The following RBMS3 variants were observed in gnomAD, a reference collection of about 807,000 sequenced individuals.
The protein encoded by RBMS3 is RNA binding motif single stranded interacting protein 3, also known as RNA-binding motif, single-stranded-interacting protein 3.
RBMS3 carries 27 observed loss-of-function variants against 66.8 expected under a neutral mutation model. The ratio of observed to expected loss-of-function variants is 0.40; its 90% CI spans 0.30 to 0.56. The LOEUF is 0.56. Ranked by LOEUF, RBMS3 falls within the 20% of genes least tolerant of loss-of-function variation. The pLI, the probability that RBMS3 is intolerant of heterozygous loss-of-function variation, is 0.40. For synonymous variants in RBMS3, 188 were observed against 183.0 expected (o/e 1.03, Z -0.22); for missense variants, 513 against 549.5 (o/e 0.93, Z 0.66).
In RBMS3 at chr3:29,884,101, T is replaced by A. The variant is rs2059800772; in HGVS notation, c.745-61T>A. The A allele has an allele frequency of 5.2e-5, 74 of 1,411,654 alleles. No homozygotes were observed. The South Asian group carries it at 8.8e-4, about 17-fold the overall frequency. 87.4% of individuals were successfully genotyped at this position (1,411,654 alleles called of 1,614,324 possible). A position where few individuals can be genotyped will look rare whatever the true frequency, so the allele number is the denominator to read the frequency against. On this transcript the variant is annotated intron_variant, in intron 7 of 14. Transcript: ENST00000383767. ...TAAGAGTCTTTGTGTGTACTAAATGTTTTGGGCACCACAATAAAAACGTTA... is the reference window on the plus strand; with the variant it reads ...TAAGAGTCTTTGTGTGTACTAAATGATTTGGGCACCACAATAAAAACGTTA...
chr3:29,619,789 C>T (rs2048804748), intron 4 of RBMS3, among the ~76,000 whole-genome samples: 1 of 152,062 alleles, frequency 6.6e-6, no homozygotes, highest in African/African-American at 2.4e-5. Context: ...TTTATACCTC[C>T]TGTTAAAACC....
intron 4 of RBMS3, among the ~76,000 whole-genome samples, chr3:29,720,977 T>C (rs1244666499): frequency 1.3e-5 from 2 of 152,146 alleles, no homozygotes; most frequent in Non-Finnish European, 2.9e-5. Context: ...GAAGGTTTTA[T>C]AGAAAAAGTA....
intron 3 of RBMS3, among the ~76,000 whole-genome samples, chr3:29,532,411 G>A (rs1382735604): frequency 2.0e-5 from 3 of 151,808 alleles, no homozygotes; most frequent in East Asian, 3.9e-4. Context: ...GGGAAACTGA[G>A]TGAACAGGGA....
chr3:29,337,881 G>A (rs535635997), intron 1 of RBMS3, among the ~76,000 whole-genome samples: 4 of 152,104 alleles, frequency 2.6e-5, no homozygotes, highest in Non-Finnish European at 5.9e-5. Flanking sequence ...TACATTTGTG[G>A]TGCAAAATGA....
chr3:29,500,196 G>A (rs2148935193), intron 3 of RBMS3, among the ~76,000 whole-genome samples: 1 of 150,686 alleles, frequency 6.6e-6, no homozygotes, highest in East Asian at 1.9e-4. Context: ...AATGACGAGG[G>A]GTTCAAAGTG....
intron 3 of RBMS3, among the ~76,000 whole-genome samples, chr3:29,536,268 G>C (rs938785563): frequency 5.3e-5 from 8 of 152,202 alleles, no homozygotes; most frequent in Admixed American, 3.3e-4. Context: ...ATGGAAGCTT[G>C]ATATGCAAGG....
intron 4 of RBMS3, among the ~76,000 whole-genome samples, chr3:29,674,771 A>G (rs1451479092): frequency 6.6e-6 from 1 of 151,964 alleles, no homozygotes; most frequent in East Asian, 1.9e-4. Context: ...CACAAATGGA[A>G]GAACATTCCA....
At chr3:29,716,936 A>G (rs2053424006) in intron 4 of RBMS3, among the ~76,000 whole-genome samples, 1 of 151,734 alleles carries the variant, frequency 6.6e-6, no homozygotes, top group Non-Finnish European at 1.5e-5. Context: ...ACACATACAG[A>G]CATATATAAT....
At chr3:29,462,098 G>A (rs953094960) in intron 2 of RBMS3, among the ~76,000 whole-genome samples, 2 of 151,942 alleles carry the variant, frequency 1.3e-5, no homozygotes, top group South Asian at 4.2e-4. Flanking sequence ...TTTAAAATGG[G>A]GTGATAATAC....
intron 14 of RBMS3, among the ~76,000 whole-genome samples, chr3:29,993,693 C>G (rs547653667): frequency 1.3e-5 from 2 of 152,266 alleles, no homozygotes; most frequent in Non-Finnish European, 2.9e-5. Context: ...TGCCTTTGAA[C>G]TTAAACAAAA....
chr3:29,442,758 C>T (rs998215562), intron 2 of RBMS3, among the ~76,000 whole-genome samples: 2 of 152,014 alleles, frequency 1.3e-5, no homozygotes, highest in African/African-American at 4.8e-5. Context: ...CCTTTTTAGT[C>T]CTTATTTTAA....
chr3:29,995,891 T>A (rs1444251912), intron 14 of RBMS3, among the ~76,000 whole-genome samples: 2 of 151,978 alleles, frequency 1.3e-5, no homozygotes, highest in Non-Finnish European at 2.9e-5. Context: ...AACATCATAA[T>A]GACAGGATCA....
chr3:29,779,968 G>T (rs2056570810), intron 6 of RBMS3, among the ~76,000 whole-genome samples: 1 of 151,292 alleles, frequency 6.6e-6, no homozygotes, highest in Non-Finnish European at 1.5e-5. Flanking sequence ...TATAATAAAG[G>T]AAGTAATAAT....
At chr3:29,660,945 T>C (rs537319906) in intron 4 of RBMS3, among the ~76,000 whole-genome samples, 15 of 152,290 alleles carry the variant, frequency 9.8e-5, no homozygotes, top group Middle Eastern at 3.4e-3. Flanking sequence ...GTCTGCACTT[T>C]TGTAATCAGA....
chr3:29,556,093 G>T (rs573685178), intron 3 of RBMS3, among the ~76,000 whole-genome samples: 1 of 151,374 alleles, frequency 6.6e-6, no homozygotes, highest in East Asian at 1.9e-4. Context: ...TTATTCTGCC[G>T]TATCATAAGT....
chr3:29,961,000 A>G (rs1403496663), intron 12 of RBMS3, among the ~76,000 whole-genome samples: 1 of 152,132 alleles, frequency 6.6e-6, no homozygotes, highest in African/African-American at 2.4e-5. Flanking sequence ...CTCATTACTT[A>G]TGCAATTTTC....
chr3:29,828,995 TTTCTTTCTTTCTTTCTTTC>T (rs1218129808), intron 6 of RBMS3, among the ~76,000 whole-genome samples: 9 of 49,888 alleles, frequency 1.8e-4, no homozygotes, highest in African/African-American at 6.8e-4. Context: ...TCTTTCTTTC[TTTCTTTCTTTCTTTCTTTC>T]TTTCTTTCTT....
chr3:29,943,154 A>G (rs2061431260), intron 11 of RBMS3, among the ~76,000 whole-genome samples: 1 of 151,866 alleles, frequency 6.6e-6, no homozygotes, highest in Non-Finnish European at 1.5e-5. Context: ...AGTGAGAAAT[A>G]CGTGATAGTC....
At chr3:29,687,060 C>T (rs1014101791) in intron 4 of RBMS3, among the ~76,000 whole-genome samples, 1 of 152,110 alleles carries the variant, frequency 6.6e-6, no homozygotes, top group East Asian at 1.9e-4. Flanking sequence ...TGAGGTCATG[C>T]ATTTTGAAAG....
Sources: gnomAD v4.1 joint callset for allele counts (sites outside exome capture counted in the v4.1 genomes callset) on GRCh38, gnomAD v4.1.1 for gene constraint, MANE v1.5 for transcripts, NCBI Gene and HGNC (gene_info 2026-07-23, HGNC 2026-07-21) for gene names.